TNFRSF10B: variants seen among roughly 807,000 people sequenced by gnomAD.
TNFRSF10B encodes TNF receptor superfamily member 10b.
In TNFRSF10B, 35 loss-of-function variants were observed where a neutral mutation model predicts 41.4. The observed-to-expected ratio is 0.85, with a 90% CI of 0.65 to 1.12. The LOEUF is 1.12. TNFRSF10B is among the 50% of genes most tolerant of loss of function. TNFRSF10B has a pLI of 0.00. For synonymous variants in TNFRSF10B, 230 were observed against 215.5 expected, an observed-to-expected ratio of 1.07 and a Z score of -0.59; for missense variants, 584 against 552.7, an observed-to-expected ratio of 1.06 and a Z score of -0.57.
At chr8:23,023,885 G>A (rs1017105631) in intron 8 of TNFRSF10B, among the ~76,000 whole-genome samples, 4 of 152,266 alleles carry the variant, frequency 2.6e-5, no homozygotes, top group Middle Eastern at 3.4e-3. Context: ...TGCAGGACAG[G>A]CCAGCCCCTC....
chr8:23,024,356 G>C (rs149839716), intron 7 of TNFRSF10B, 96 bp from the exon 8 acceptor site: 6 of 1,313,758 alleles, frequency 4.6e-6, no homozygotes, highest in Non-Finnish European at 6.6e-6. Flanking sequence ...CCTGCAGCAC[G>C]TCACTTCCAG....
intron 2 of TNFRSF10B, among the ~76,000 whole-genome samples, chr8:23,033,620 A>AAAAAAAAAAAAAAAAAAAAAAG (rs1563310598): frequency 9.3e-6 from 1 of 107,668 alleles, no homozygotes; most frequent in African/African-American, 3.2e-5. Context: ...AAAAAAAAAA[A>AAAAAAAAAAAAAAAAAAAAAAG]AGAACCCTGG....
At chr8:23,068,669 C>G (rs1038642147) in intron 1 of TNFRSF10B, 82 bp downstream of exon 1, 1 of 1,512,960 alleles carries the variant, frequency 6.6e-7, no homozygotes, top group Non-Finnish European at 8.8e-7. Flanking sequence ...GCCACGCACC[C>G]CCGCCGTGTC....
intron 1 of TNFRSF10B, among the ~76,000 whole-genome samples, chr8:23,059,556 G>C (rs764024492): frequency 1.3e-5 from 2 of 152,210 alleles, no homozygotes; most frequent in Non-Finnish European, 2.9e-5. Context: ...GCCCAGGCTG[G>C]AGTGCAGTGG....
rs151293772 is a variant in TNFRSF10B, at chr8:23,020,357, A to G, written c.*2314T>C. Reference sequence around the variant, plus strand: ...ATATAGCAAAGCCTAATGTAACTAAACAACAAAACCCCCAATTATTTCATG... The same window carrying G: ...ATATAGCAAAGCCTAATGTAACTAAGCAACAAAACCCCCAATTATTTCATG... On this transcript the variant is annotated 3_prime_UTR_variant, in exon 9 of 9. Coordinates refer to ENST00000276431, the MANE Select transcript of TNFRSF10B (RefSeq NM_003842.5). 2.3e-4 allele frequency: 104 copies of G among 454,084 alleles called. No individual in the cohort carries two copies. The highest frequency in any genetic ancestry group is 1.9e-3 in the African/African-American group (94 of 50,116). The allele number at this position is 454,084 out of a possible 1,614,324, so 28.1% of individuals were successfully genotyped here. A position where few individuals can be genotyped will look rare whatever the true frequency, so the allele number is the denominator to read the frequency against.
rs549877608 is a variant in TNFRSF10B, at chr8:23,046,010, C to G, written c.145-2767G>C. On this transcript the variant is annotated intron_variant, in intron 1 of 8. Coordinates refer to ENST00000276431, the MANE Select transcript of TNFRSF10B (RefSeq NM_003842.5). ...AGCAGTGAAAAGCTGAAAGCTTTTCCTTTAATATCAGGAACAACACAAGGA... is the reference window on the plus strand; with the variant it reads ...AGCAGTGAAAAGCTGAAAGCTTTTCGTTTAATATCAGGAACAACACAAGGA... 9.2e-5 allele frequency among the ~76,000 whole-genome samples: 14 copies of G among 152,298 alleles called. No individual in the cohort carries two copies. In the South Asian group the frequency reaches 2.5e-3, roughly 27 times the overall value.
chr8:23,039,292 TG>T (rs1287378153), intron 2 of TNFRSF10B, among the ~76,000 whole-genome samples: 1 of 152,036 alleles, frequency 6.6e-6, no homozygotes, highest in Non-Finnish European at 1.5e-5. Flanking sequence ...GTCCATGGCC[TG>T]GGGGTCAGGG....
intron 7 of TNFRSF10B, among the ~76,000 whole-genome samples, 191 bp downstream of exon 7, chr8:23,026,942 A>G (rs1811720645): frequency 6.6e-6 from 1 of 152,164 alleles, no homozygotes; most frequent in Non-Finnish European, 1.5e-5. Context: ...GACAGGGAGT[A>G]AGAAGCAGAT....
At chr8:23,068,365 G>A (rs1487132078) in intron 1 of TNFRSF10B, 1 of 287,272 alleles carries the variant, frequency 3.5e-6, no homozygotes, top group African/African-American at 2.3e-5. Flanking sequence ...GGAACTGAGC[G>A]AGGAAGGAAG....
intron 2 of TNFRSF10B, among the ~76,000 whole-genome samples, chr8:23,036,001 T>A (rs1486638857): frequency 6.6e-6 from 1 of 152,192 alleles, no homozygotes; most frequent in Non-Finnish European, 1.5e-5. Flanking sequence ...CAGACAGCAA[T>A]GCTGTTTTGA....
At chr8:23,067,579 A>T (rs1813026972) in intron 1 of TNFRSF10B, among the ~76,000 whole-genome samples, 1 of 152,194 alleles carries the variant, frequency 6.6e-6, no homozygotes, top group Non-Finnish European at 1.5e-5. Context: ...ACCTAGGCCC[A>T]CAGAAACCAC....
intron 2 of TNFRSF10B, among the ~76,000 whole-genome samples, chr8:23,036,164 G>T (rs1221268619): frequency 2.0e-5 from 3 of 152,146 alleles, no homozygotes; most frequent in Non-Finnish European, 4.4e-5. Flanking sequence ...TTAACCATAG[G>T]CCACCAAATT....
At chr8:23,028,053 C>T in intron 5 of TNFRSF10B, 1 of 601,786 alleles carries the variant, frequency 1.7e-6, no homozygotes, top group Non-Finnish European at 2.9e-6. Context: ...CCGACTGCCC[C>T]CTGCCTGGCT....
In TNFRSF10B at chr8:23,022,842, C is replaced by T. The variant is rs934918987; in HGVS notation, c.1152G>A (p.Thr384=). ...EAAGHRDTLY[T]MLIKWVNKTG... ...TTTTGTTGACCCACTTTATCAGCATCGTGTACAAGGTGTCCCTGTGGCCCG... is the reference window on the plus strand; with the variant it reads ...TTTTGTTGACCCACTTTATCAGCATTGTGTACAAGGTGTCCCTGTGGCCCG... Residue 384 remains threonine, a synonymous_variant, in exon 9 of 9, where the codon ACG becomes ACA. Coordinates refer to ENST00000276431, the MANE Select transcript of TNFRSF10B (RefSeq NM_003842.5). 4 of 1,614,100 alleles carry T rather than the reference C, an allele frequency of 2.5e-6. No homozygotes were observed. Among genetic ancestry groups the T allele is most frequent in the South Asian group, 2.2e-5 (2 of 91,072 alleles).
At chr8:23,053,526 A>C (rs10107874) in intron 1 of TNFRSF10B, among the ~76,000 whole-genome samples, 12,075 of 152,212 alleles carry the variant, frequency 0.079, 781 homozygotes, top group African/African-American at 0.18. Flanking sequence ...GGGTAATTGT[A>C]AAGACAATTC....
chr8:23,054,886 A>G (rs1213229326), intron 1 of TNFRSF10B, among the ~76,000 whole-genome samples: 1 of 152,202 alleles, frequency 6.6e-6, no homozygotes, highest in Non-Finnish European at 1.5e-5. Flanking sequence ...AAAAATAATT[A>G]TTCTTGCTGC....
chr8:23,031,540 A>T (rs942567250), intron 2 of TNFRSF10B, among the ~76,000 whole-genome samples: 3 of 151,726 alleles, frequency 2.0e-5, no homozygotes, highest in Admixed American at 6.6e-5. Flanking sequence ...GGTGCACACC[A>T]CCACACCGGG....
intron 2 of TNFRSF10B, among the ~76,000 whole-genome samples, chr8:23,041,554 T>C (rs560011786): frequency 2.1e-5 from 3 of 143,410 alleles, no homozygotes; most frequent in African/African-American, 5.2e-5. Flanking sequence ...AATCAATCAA[T>C]CAATGTATAA....
At chr8:23,030,901 GA>G (rs1344379044) in intron 2 of TNFRSF10B, 29 bp from the exon 3 acceptor site, 1 of 1,506,674 alleles carries the variant, frequency 6.6e-7, no homozygotes, top group Admixed American at 1.8e-5. Context: ...GCCGGTGAAT[GA>G]AATGCCACAG....
Sources: allele counts gnomAD v4.1 joint callset (sites outside exome capture counted in the v4.1 genomes callset), GRCh38; gene constraint gnomAD v4.1.1; transcripts MANE v1.5; gene names NCBI Gene and HGNC (gene_info 2026-07-23, HGNC 2026-07-21).